The following NCAPG variants were observed in gnomAD, a reference collection of about 807,000 sequenced individuals.
NCAPG encodes non-SMC condensin I complex subunit G.
NCAPG carries 69 observed loss-of-function variants against 113.1 expected under a neutral mutation model. That is an observed-to-expected ratio of 0.61 (90% CI 0.50 to 0.75). The LOEUF (loss-of-function observed/expected upper bound fraction) is 0.75, where lower values mean the gene tolerates loss of function less well. Among genes scored for constraint, NCAPG ranks in the 30% least tolerant of loss-of-function variants. The pLI is 0.00. For synonymous variants in NCAPG, 370 were observed against 415.8 expected (o/e 0.89, Z 1.34); for missense variants, 1,058 against 1,177.0 (o/e 0.90, Z 1.48).
intron 18 of NCAPG, 149 bp from the exon 19 acceptor site, chr4:17,840,458 C>T: frequency 1.7e-6 from 1 of 589,056 alleles, no homozygotes; most frequent in Non-Finnish European, 2.6e-6. Flanking sequence ...TTCCAATATT[C>T]AAATTTTCGA....
chr4:17,818,581 T>A (rs917668108), intron 7 of NCAPG, among the ~76,000 whole-genome samples: 3 of 152,174 alleles, frequency 2.0e-5, no homozygotes, highest in African/African-American at 7.2e-5. Context: ...AAATAAGAAA[T>A]TTTAAAAAAT....
chr4:17,837,472 G>A lies in NCAPG; in HGVS notation c.2291+132G>A, dbSNP rs1722149859. 5 of 1,221,574 alleles carry A rather than the reference G, an allele frequency of 4.1e-6. No homozygotes were observed. The African/African-American group carries it at 4.6e-5, about 11-fold the overall frequency. The allele number at this position is 1,221,574 out of a possible 1,614,324, so 75.7% of individuals were successfully genotyped here. On this transcript the variant is annotated intron_variant, in intron 15 of 20. Transcript: ENST00000251496. ...TAGTAGATAAATGATGAAATGACAAGAACGATACAGATTTTATCTATCTGA... is the reference window on the plus strand; with the variant it reads ...TAGTAGATAAATGATGAAATGACAAAAACGATACAGATTTTATCTATCTGA...
chr4:17,837,748 T>C lies in NCAPG; in HGVS notation c.2413T>C (p.Leu805=), dbSNP rs756629965. Residue 805 remains leucine, a synonymous_variant, in exon 16 of 21, where the codon TTG becomes CTG. Transcript: ENST00000251496. Reference sequence around the variant, plus strand: ...AAATGTTGCTGAGTTACTTGTAGATTTGACAAGACCAAGTGGATTAAATCC... The same window carrying C: ...AAATGTTGCTGAGTTACTTGTAGATCTGACAAGACCAAGTGGATTAAATCC... The part of the protein sequence containing the change: ...ITNVAELLVD[L]TRPSGLNPQA... 1.2e-6 allele frequency: 2 copies of C among 1,613,998 alleles called. No homozygotes were observed. The highest frequency in any genetic ancestry group is 3.3e-5 in the Admixed American group (2 of 60,008).
chr4:17,839,608 G>T, intron 16 of NCAPG, 68 bp from the exon 17 acceptor site: 1 of 1,060,924 alleles, frequency 9.4e-7, no homozygotes, highest in South Asian at 3.0e-5. Context: ...ATATTTGTTA[G>T]ATGTGTAAGA....
At chr4:17,840,526 TA>T in intron 18 of NCAPG, 80 bp from the exon 19 acceptor site, 2 of 845,544 alleles carry the variant, frequency 2.4e-6, no homozygotes, top group African/African-American at 1.8e-5. Context: ...TTCAGTTTTA[TA>T]AAAACTGGTC....
intron 12 of NCAPG, among the ~76,000 whole-genome samples, chr4:17,830,150 A>C (rs369455891): frequency 6.6e-5 from 10 of 152,164 alleles, no homozygotes; most frequent in African/African-American, 2.4e-4. Flanking sequence ...ATCCTAGTAC[A>C]TTGGGAGGCC....
At position 17,815,371 on chromosome 4, in the gene NCAPG, A is replaced by G; in HGVS notation, c.775+13A>G. On this transcript the variant is annotated intron_variant, in intron 5 of 20. Transcript: ENST00000251496. ...AATGACAGATCAGGTAAGATAAACA[A>G]CTTTATATATACAAAACTTTAGTAG... 6.4e-7 allele frequency: 1 copy of G among 1,563,502 alleles called. No individual in the cohort carries two copies. The highest frequency in any genetic ancestry group is 2.3e-5 in the East Asian group (1 of 43,858).
chr4:17,830,369 G>A (rs1210148595), intron 12 of NCAPG, among the ~76,000 whole-genome samples: 3 of 151,676 alleles, frequency 2.0e-5, no homozygotes, highest in African/African-American at 4.9e-5. Context: ...CTCCAGCCTG[G>A]GTGACAGCGT....
chr4:17,842,185 T>TAGGAG, intron 19 of NCAPG, 125 bp from the exon 20 acceptor site: 1 of 714,704 alleles, frequency 1.4e-6, no homozygotes, highest in Non-Finnish European at 2.4e-6. Context: ...CTAGAACAAG[T>TAGGAG]AGGAGATACA....
intron 11 of NCAPG, among the ~76,000 whole-genome samples, chr4:17,827,730 T>C (rs1262789337): frequency 6.6e-6 from 1 of 151,352 alleles, no homozygotes; most frequent in African/African-American, 2.4e-5. Context: ...ATAGCTGGGC[T>C]AGCTCATAGA....
chr4:17,819,354 G>A (rs895371046), intron 7 of NCAPG, among the ~76,000 whole-genome samples: 1 of 151,228 alleles, frequency 6.6e-6, no homozygotes, highest in African/African-American at 2.4e-5. Context: ...GATAATATAT[G>A]TATATTTTGA....
At chr4:17,817,031 T>G (rs1721236906) in intron 5 of NCAPG, among the ~76,000 whole-genome samples, 1 of 152,136 alleles carries the variant, frequency 6.6e-6, no homozygotes, top group South Asian at 2.1e-4. Context: ...GAGAATCGCT[T>G]GAATCTGGTA....
In NCAPG at chr4:17,837,774, T is replaced by C; in HGVS notation, c.2439T>C (p.Pro813=). 1 of 1,613,940 alleles carries C rather than the reference T, an allele frequency of 6.2e-7. No individual in the cohort carries two copies. Residue 813 remains proline (P), a synonymous_variant, in exon 16 of 21, where the codon CCT becomes CCC. Coordinates refer to ENST00000251496, the MANE Select transcript of NCAPG (RefSeq NM_022346.5). Reference sequence around the variant, plus strand: ...TGACAAGACCAAGTGGATTAAATCCTCAGGCCAAGACTTCCCAAGATTATC... The same window carrying C: ...TGACAAGACCAAGTGGATTAAATCCCCAGGCCAAGACTTCCCAAGATTATC... ...VDLTRPSGLN[P]QAKTSQDYQA...
chr4:17,815,293 A>T lies in NCAPG; in HGVS notation c.710A>T (p.His237Leu). The change falls in exon 5 of 21, where the codon CAT (histidine) becomes CTT (leucine). Residue 237 changes from histidine (H) to leucine (L), a missense_variant. By Grantham distance (99) the His-to-Leu change is moderately conservative (BLOSUM62 -3). Coordinates refer to ENST00000251496, the MANE Select transcript of NCAPG (RefSeq NM_022346.5). The part of the protein sequence containing the change: ...LAYQVLAEKV[H>L]MRAMSIAQRV... ...TTTAAGGTTTTAGCTGAAAAGGTTC[A>T]TATGAGAGCTATGTCCATTGCTCAG... The T allele has an allele frequency of 1.3e-6, 2 of 1,599,552 alleles. No homozygotes were observed. Among genetic ancestry groups the T allele is most frequent in the Non-Finnish European group, 1.7e-6 (2 of 1,176,604 alleles).
At chr4:17,842,153 G>C (rs941010036) in intron 19 of NCAPG, 157 bp from the exon 20 acceptor site, 1 of 574,618 alleles carries the variant, frequency 1.7e-6, no homozygotes, top group South Asian at 2.4e-5. Flanking sequence ...TTCTGTGGCA[G>C]TGATAACTGG....
Position 17,817,473 on chromosome 4 carries a change from T to C in NCAPG, c.968+20T>C. 1 of 1,602,524 alleles carries C rather than the reference T, an allele frequency of 6.2e-7. No homozygotes were observed. Among genetic ancestry groups the C allele is most frequent in the Non-Finnish European group, 8.5e-7 (1 of 1,171,320 alleles). On this transcript the variant is annotated intron_variant, in intron 6 of 20. Transcript: ENST00000251496. ...TGGCAGGTACATAAAGGATTCATTC[T>C]TTGAAATGTAGTACTGATTAACTTG...
rs1722489634 is a variant in NCAPG at position 17,842,327 on chromosome 4, G to C, written c.2872G>C (p.Val958Leu). The change falls in exon 20 of 21, where the codon GTT becomes CTT. Residue 958 changes from valine to leucine, a missense_variant. Transcript: ENST00000251496. ...KTNRGQRKVTVSARTNRRCQT... is the reference protein window; with the variant it reads ...KTNRGQRKVTLSARTNRRCQT... ...TCTTCAAGGACAGAGAAAAGTGACA[G>C]TTTCAGCTAGGACGAACAGGAGGTG... is the stretch of plus-strand genomic sequence containing the variant. 1 of 1,611,930 alleles carries C rather than the reference G, an allele frequency of 6.2e-7. No homozygotes were observed. The highest frequency in any genetic ancestry group is 1.7e-5 in the Admixed American group (1 of 59,896).
At chr4:17,829,495 G>A (rs1326462066) in intron 12 of NCAPG, among the ~76,000 whole-genome samples, 1 of 152,188 alleles carries the variant, frequency 6.6e-6, no homozygotes, top group Non-Finnish European at 1.5e-5. Context: ...GGCATTTTAT[G>A]TCTGGTCCTA....
chr4:17,839,308 C>CATTG (rs1320218557), intron 16 of NCAPG, among the ~76,000 whole-genome samples: 1 of 152,176 alleles, frequency 6.6e-6, no homozygotes, highest in East Asian at 1.9e-4. Context: ...ACGGGCCAGT[C>CATTG]ATTGGATTTG....
Sources: allele counts gnomAD v4.1 joint callset (sites outside exome capture counted in the v4.1 genomes callset), GRCh38; gene constraint gnomAD v4.1.1; transcripts MANE v1.5; gene names NCBI Gene and HGNC (gene_info 2026-07-23, HGNC 2026-07-21).